Variants in GRIK1 observed in about 807,000 individuals in gnomAD.
GRIK1 encodes glutamate ionotropic receptor kainate type subunit 1.
A neutral mutation model predicts 105.7 loss-of-function variants in GRIK1; 69 were observed. That is an observed-to-expected ratio of 0.65 (90% confidence interval 0.54 to 0.80). GRIK1 has a LOEUF of 0.80. GRIK1 is among the 30% of genes least tolerant of loss of function. The pLI is 0.00. For synonymous variants in GRIK1, 438 were observed against 431.3 expected (o/e 1.02, Z -0.19); for missense variants, 1,109 against 1,167.3 (o/e 0.95, Z 0.73).
intron 1 of GRIK1, among the ~76,000 whole-genome samples, chr21:29,700,827 C>A (rs1479547908): frequency 6.6e-6 from 1 of 152,112 alleles, no homozygotes; most frequent in Non-Finnish European, 1.5e-5. Flanking sequence ...TTACCCTCTT[C>A]TTCCCAAAAG....
chr21:29,595,071 T>C (rs556265220), intron 9 of GRIK1, among the ~76,000 whole-genome samples: 7 of 152,232 alleles, frequency 4.6e-5, no homozygotes, highest in Admixed American at 2.0e-4. Context: ...TTTGACGGAG[T>C]TATAACACAA....
intron 6 of GRIK1, among the ~76,000 whole-genome samples, chr21:29,643,387 G>C (rs1306964760): frequency 6.6e-6 from 1 of 152,148 alleles, no homozygotes; most frequent in Admixed American, 6.5e-5. Flanking sequence ...TCTACTTACT[G>C]GTTTATATTT....
chr21:29,585,539 C>G (rs1174825657), intron 12 of GRIK1, among the ~76,000 whole-genome samples: 1 of 152,146 alleles, frequency 6.6e-6, no homozygotes, highest in African/African-American at 2.4e-5. Flanking sequence ...ATCAACATCA[C>G]TGCCTAGACA....
chr21:29,662,922 C>T (rs751142818), intron 4 of GRIK1, among the ~76,000 whole-genome samples: 3 of 152,026 alleles, frequency 2.0e-5, no homozygotes, highest in Admixed American at 6.6e-5. Flanking sequence ...AAAAACTCCC[C>T]AGGTGATACT....
chr21:29,852,913 T>C (rs1232424643), intron 1 of GRIK1, among the ~76,000 whole-genome samples: 2 of 152,240 alleles, frequency 1.3e-5, no homozygotes, highest in African/African-American at 4.8e-5. Flanking sequence ...CAATAAACTA[T>C]GTAGAGTGTC....
At chr21:29,882,990 T>C (rs919351438) in intron 1 of GRIK1, among the ~76,000 whole-genome samples, 1 of 152,058 alleles carries the variant, frequency 6.6e-6, no homozygotes, top group African/African-American at 2.4e-5. Context: ...AAACCAGAAG[T>C]CCAGCTTTAA....
chr21:29,689,898 G>C lies in GRIK1; in HGVS notation c.374C>G (p.Ala125Gly). Residue 125 changes from alanine to glycine, a missense_variant, in exon 3 of 18, where the codon GCT (alanine) becomes GGT (glycine). This residue lies in a region of GRIK1 where 612 missense variants were observed against 586.0 expected (regional missense o/e 1.04). Coordinates refer to ENST00000327783, the MANE Select transcript of GRIK1 (RefSeq NM_001330994.2). Reference protein sequence around the residue: ...SVSAVQSICNALEVPHIQTRW... With the variant: ...SVSAVQSICNGLEVPHIQTRW... The stretch of plus-strand genomic sequence containing the variant: ...GGTCTGTATGTGTGGAACTTCGAGA[G>C]CATTGCAAATAGACTGCACAGCACT... 6.2e-7 allele frequency: 1 copy of C among 1,613,786 alleles called. No individual in the cohort carries two copies. Among genetic ancestry groups the C allele is most frequent in the African/African-American group, 1.3e-5 (1 of 74,960 alleles).
At chr21:29,706,768 T>C (rs2063916443) in intron 1 of GRIK1, among the ~76,000 whole-genome samples, 1 of 152,356 alleles carries the variant, frequency 6.6e-6, no homozygotes, top group East Asian at 1.9e-4. Context: ...ATACACACCA[T>C]TTATTTTTAA....
chr21:29,698,803 G>A (rs1164674138), intron 1 of GRIK1, among the ~76,000 whole-genome samples: 1 of 152,266 alleles, frequency 6.6e-6, no homozygotes, highest in Non-Finnish European at 1.5e-5. Context: ...CAAAGGGTTG[G>A]AAAGTGAAAG....
chr21:29,898,976 A>G (rs1176150355), intron 1 of GRIK1, among the ~76,000 whole-genome samples: 1 of 152,070 alleles, frequency 6.6e-6, no homozygotes, highest in Non-Finnish European at 1.5e-5. Context: ...CCGTCTCAAA[A>G]AAAAAAAATT....
At chr21:29,564,693 G>A (rs147089718) in intron 14 of GRIK1, among the ~76,000 whole-genome samples, 2 of 152,204 alleles carry the variant, frequency 1.3e-5, no homozygotes, top group African/African-American at 4.8e-5. Context: ...ACCTAGCTTT[G>A]GTCCTCCTGC....
At chr21:29,651,051 A>G (rs1484979358) in intron 6 of GRIK1, 67 bp downstream of exon 6, 5 of 1,153,872 alleles carry the variant, frequency 4.3e-6, no homozygotes, top group Non-Finnish European at 6.2e-6. Flanking sequence ...TTTTAAAGAT[A>G]CGTGAGATCT....
At chr21:29,542,370 G>A (rs1422327023) in intron 16 of GRIK1, among the ~76,000 whole-genome samples, 4 of 112,334 alleles carry the variant, frequency 3.6e-5, no homozygotes, top group Admixed American at 2.2e-4. Flanking sequence ...GCTTGTGTGA[G>A]CCTGAATATA....
intron 1 of GRIK1, among the ~76,000 whole-genome samples, chr21:29,846,849 T>C (rs2068140197): frequency 6.6e-6 from 1 of 152,202 alleles, no homozygotes; most frequent in South Asian, 2.1e-4. Context: ...TCCTTCATTA[T>C]AAAATTTTTT....
intron 1 of GRIK1, among the ~76,000 whole-genome samples, chr21:29,719,775 C>T (rs2064275534): frequency 6.6e-6 from 1 of 152,110 alleles, no homozygotes; most frequent in African/African-American, 2.4e-5. Flanking sequence ...TTGAATTAAG[C>T]TTTCTAATTG....
chr21:29,598,932 C>A lies in GRIK1; in HGVS notation c.1104G>T (p.Arg368=). The A allele has an allele frequency of 6.6e-7, 1 of 1,524,260 alleles. No individual in the cohort carries two copies. Among genetic ancestry groups the A allele is most frequent in the South Asian group, 1.2e-5 (1 of 84,664 alleles). The allele number at this position is 1,524,260 out of a possible 1,614,324, so 94.4% of individuals were successfully genotyped here. The change falls in exon 8 of 18, where the codon CGG becomes CGT. Residue 368 remains arginine (R), a synonymous_variant. Transcript: ENST00000327783. ...PRFMNLIKEA[R]WDGLTGHITF... ...TGATATGCCCAGTCAAGCCATCCCACCGGGCCTGTGGACAAGAAGAAATGT... is the reference window on the plus strand; with the variant it reads ...TGATATGCCCAGTCAAGCCATCCCAACGGGCCTGTGGACAAGAAGAAATGT...
At chr21:29,835,255 C>T (rs985031030) in intron 1 of GRIK1, among the ~76,000 whole-genome samples, 2 of 152,196 alleles carry the variant, frequency 1.3e-5, no homozygotes, top group Admixed American at 6.5e-5. Flanking sequence ...CCAGCAGCAT[C>T]CCCTGGCATT....
In GRIK1 at chr21:29,591,228, A is replaced by G. The variant is rs749761089; in HGVS notation, c.1252-3T>C. ...CTGTTGGAATTCCAAATCCCAATCT[A>G]CACAGAACACAGTACATCAGAGGCT... On this transcript the variant is annotated splice_region_variant and splice_polypyrimidine_tract_variant and intron_variant, in intron 9 of 17. Transcript: ENST00000327783. The G allele has an allele frequency of 6.7e-7, 1 of 1,498,662 alleles. No homozygotes were observed. The highest frequency in any genetic ancestry group is 1.4e-5 in the African/African-American group (1 of 72,758). The allele number at this position is 1,498,662 out of a possible 1,614,324, so 92.8% of individuals were successfully genotyped here. A position where few individuals can be genotyped will look rare whatever the true frequency, so the allele number is the denominator to read the frequency against.
intron 3 of GRIK1, among the ~76,000 whole-genome samples, chr21:29,688,182 G>A (rs947823724): frequency 1.3e-5 from 2 of 152,060 alleles, no homozygotes; most frequent in African/African-American, 2.4e-5. Flanking sequence ...GGACTGTTTC[G>A]AATACAATAC....
Sources: gnomAD v4.1 joint callset for allele counts (sites outside exome capture counted in the v4.1 genomes callset) on GRCh38, gnomAD v4.1.1 for gene constraint, gnomAD v4.1.1 regional missense constraint, MANE v1.5 for transcripts, NCBI Gene and HGNC (gene_info 2026-07-23, HGNC 2026-07-21) for gene names.